The following CREB5 variants were observed in gnomAD, a reference collection of about 807,000 sequenced individuals.
CREB5 encodes the protein cyclic AMP-responsive element-binding protein 5.
A neutral mutation model predicts 57.1 loss-of-function variants in CREB5; 19 were observed. The ratio of observed to expected loss-of-function variants is 0.33; its 90% confidence interval spans 0.23 to 0.49. CREB5 has a LOEUF of 0.49. Ranked by LOEUF, CREB5 falls within the 20% of genes least tolerant of loss-of-function variation. The pLI is 0.99. For synonymous variants in CREB5, 238 were observed against 238.3 expected (o/e 1.00, Z 0.01); for missense variants, 579 against 671.6 (o/e 0.86, Z 1.52).
chr7:28,795,058 C>T (rs146066868), intron 7 of CREB5, among the ~76,000 whole-genome samples: 86 of 152,206 alleles, frequency 5.7e-4, no homozygotes, highest in African/African-American at 1.9e-3. Context: ...CATCATGGCC[C>T]TGCGGAGAAC....
chr7:28,469,482 C>T (rs897324768), intron 1 of CREB5, among the ~76,000 whole-genome samples: 1 of 152,048 alleles, frequency 6.6e-6, no homozygotes, highest in East Asian at 1.9e-4. Flanking sequence ...AAATTAGGAC[C>T]TTGATTTTAT....
chr7:28,746,909 A>G (rs1804710228), intron 7 of CREB5, among the ~76,000 whole-genome samples: 2 of 152,200 alleles, frequency 1.3e-5, no homozygotes, highest in African/African-American at 4.8e-5. Context: ...TTAGGCTCCT[A>G]GGGCAGGAAG....
chr7:28,808,973 C>A (rs1228896464), intron 8 of CREB5, among the ~76,000 whole-genome samples: 1 of 152,158 alleles, frequency 6.6e-6, no homozygotes, highest in East Asian at 1.9e-4. Context: ...CTATATCTTG[C>A]CAACACATCA....
chr7:28,573,579 C>T (rs768183123), intron 5 of CREB5, among the ~76,000 whole-genome samples: 4 of 152,214 alleles, frequency 2.6e-5, no homozygotes, highest in Non-Finnish European at 5.9e-5. Context: ...CCCCCTCTTC[C>T]CTTCCCTTCT....
At chr7:28,501,519 C>A (rs1792273265) in intron 3 of CREB5, among the ~76,000 whole-genome samples, 1 of 152,180 alleles carries the variant, frequency 6.6e-6, no homozygotes, top group Admixed American at 6.5e-5. Flanking sequence ...ATATGAAAAG[C>A]TTGCTTGCTG....
chr7:28,497,750 G>A (rs4719939), intron 3 of CREB5, among the ~76,000 whole-genome samples: 76,470 of 151,864 alleles, frequency 0.5, 19,515 homozygotes, highest in Non-Finnish European at 0.54. Context: ...ATTGTGTTGG[G>A]TATTTTTACT....
intron 4 of CREB5, chr7:28,513,828 T>C (rs1792818632): frequency 6.6e-6 from 1 of 152,232 alleles, no homozygotes; most frequent in South Asian, 2.1e-4. Context: ...CTTCCACATA[T>C]GTGAATGAAT....
chr7:28,396,798 A>G (rs1359271437), intron 1 of CREB5, among the ~76,000 whole-genome samples: 1 of 152,206 alleles, frequency 6.6e-6, no homozygotes, highest in African/African-American at 2.4e-5. Flanking sequence ...GCAAAAATAA[A>G]GCCATAAGTT....
intron 1 of CREB5, among the ~76,000 whole-genome samples, chr7:28,389,101 C>T (rs185019856): frequency 1.6e-4 from 25 of 152,266 alleles, no homozygotes; most frequent in Admixed American, 8.5e-4. Context: ...TTATCAACAG[C>T]GTCAGAGCTT....
chr7:28,406,213 G>A (rs1787576425), intron 1 of CREB5, among the ~76,000 whole-genome samples: 1 of 152,200 alleles, frequency 6.6e-6, no homozygotes, highest in South Asian at 2.1e-4. Context: ...TTAAGCACTA[G>A]TAAGGCTGTA....
At chr7:28,577,395 A>G (rs1440516686) in intron 5 of CREB5, among the ~76,000 whole-genome samples, 1 of 152,224 alleles carries the variant, frequency 6.6e-6, no homozygotes, top group African/African-American at 2.4e-5. Flanking sequence ...CGGCAGTAAA[A>G]GGGAGGGGTC....
At chr7:28,483,397 CTCTT>C (rs1204244173) in intron 1 of CREB5, among the ~76,000 whole-genome samples, 1 of 152,150 alleles carries the variant, frequency 6.6e-6, no homozygotes, top group African/African-American at 2.4e-5. Flanking sequence ...AGCTTGTCAT[CTCTT>C]TGTCAACCAT....
intron 1 of CREB5, among the ~76,000 whole-genome samples, chr7:28,445,714 G>T (rs750025414): frequency 3.5e-4 from 53 of 151,908 alleles, no homozygotes; most frequent in Non-Finnish European, 6.5e-4. Flanking sequence ...ACCACGCCTG[G>T]CTAATTTTTT....
chr7:28,368,421 T>G (rs548877786), intron 1 of CREB5, among the ~76,000 whole-genome samples: 1 of 152,250 alleles, frequency 6.6e-6, no homozygotes, highest in African/African-American at 2.4e-5. Flanking sequence ...AGAAAAATAT[T>G]CTGATTTTAT....
chr7:28,332,061 C>A (rs1444731552), intron 1 of CREB5, among the ~76,000 whole-genome samples: 1 of 151,974 alleles, frequency 6.6e-6, no homozygotes, highest in African/African-American at 2.4e-5. Context: ...AATTCAAGGA[C>A]AAGTGAGTGT....
At chr7:28,301,091 G>A (rs531376311) in intron 1 of CREB5, among the ~76,000 whole-genome samples, 1 of 152,276 alleles carries the variant, frequency 6.6e-6, no homozygotes, top group Non-Finnish European at 1.5e-5. Context: ...CTTTTTAAAG[G>A]TGACTCTAAT....
At chr7:28,331,184 A>AT (rs893340802) in intron 1 of CREB5, among the ~76,000 whole-genome samples, 33 of 150,908 alleles carry the variant, frequency 2.2e-4, no homozygotes, top group East Asian at 5.8e-4. Flanking sequence ...TTCCTCAACC[A>AT]TTTTTTTTTA....
chr7:28,352,601 T>C, intron 1 of CREB5, among the ~76,000 whole-genome samples: 1 of 152,226 alleles, frequency 6.6e-6, no homozygotes, highest in East Asian at 1.9e-4. Flanking sequence ...GCTGGCTCCC[T>C]TCAAAGTCAC....
chr7:28,804,896 A>G (rs1479402239), intron 8 of CREB5, among the ~76,000 whole-genome samples: 1 of 152,234 alleles, frequency 6.6e-6, no homozygotes, highest in African/African-American at 2.4e-5. Flanking sequence ...AAACGAGTTA[A>G]TTCTAACCCT....
Sources: gnomAD v4.1 joint callset for allele counts (sites outside exome capture counted in the v4.1 genomes callset) on GRCh38, gnomAD v4.1.1 for gene constraint, MANE v1.5 for transcripts, NCBI Gene and HGNC (gene_info 2026-07-23, HGNC 2026-07-21) for gene names.